TRIP13: variants seen among roughly 807,000 people sequenced by gnomAD.
The protein encoded by TRIP13 is thyroid hormone receptor interactor 13, also known as pachytene checkpoint protein 2 homolog.
A neutral mutation model predicts 54.4 loss-of-function variants in TRIP13; 25 were observed. The ratio of observed to expected loss-of-function variants is 0.46; its 90% CI spans 0.33 to 0.64. TRIP13 has a LOEUF of 0.64. Ranked by LOEUF, TRIP13 falls within the 30% of genes least tolerant of loss-of-function variation. The probability of loss-of-function intolerance (pLI) is 0.02; values close to 1 mark genes in which losing one functional copy is unlikely to be tolerated. For synonymous variants in TRIP13, 207 were observed against 207.8 expected (o/e 1.00, Z 0.03); for missense variants, 373 against 534.2 (o/e 0.70, Z 2.97).
rs1188869765 is a variant in TRIP13, at chr5:908,599, C to G, written c.866+138C>G. The G allele has an allele frequency of 1.3e-6, 2 of 1,484,762 alleles. No individual in the cohort carries two copies. Among genetic ancestry groups the G allele is most frequent in the Non-Finnish European group, 1.8e-6 (2 of 1,116,528 alleles). The allele number at this position is 1,484,762 out of a possible 1,614,324, so 92.0% of individuals were successfully genotyped here. A position where few individuals can be genotyped will look rare whatever the true frequency, so the allele number is the denominator to read the frequency against. ...GTGCATTTGGCATTGAGTATCGACT[C>G]CTTTTCCACATTGGAAGCAGCATAT... is the stretch of plus-strand genomic sequence containing the variant. On this transcript the variant is annotated intron_variant, in intron 9 of 12. Transcript: ENST00000166345. The surrounding 1 kb of genome is among the most constrained non-coding windows in gnomAD (Gnocchi z 5.2).
rs922382086 is a variant in TRIP13, at chr5:915,404, T to G, written c.1134-500T>G. ...CCTGGGGCAGAGGCTCCCGGGCAGG[T>G]GATGCCTTCCCTGAGCGCAAGGATG... On this transcript the variant is annotated intron_variant, in intron 11 of 12. Transcript: ENST00000166345. The surrounding 1 kb of genome is among the most constrained non-coding windows in gnomAD (Gnocchi z 4.2). 6.7e-6 allele frequency among the ~76,000 whole-genome samples: 1 copy of G among 148,764 alleles called. No homozygotes were observed. Among genetic ancestry groups the G allele is most frequent in the Admixed American group, 6.6e-5 (1 of 15,052 alleles).
chr5:907,910 A>G lies in TRIP13; in HGVS notation c.673-78A>G. ...GGCTTGTGGGGACAACTGGGGCAGCAGGCCACATCAGGGTCCCCCTGTGCA... is the reference window on the plus strand; with the variant it reads ...GGCTTGTGGGGACAACTGGGGCAGCGGGCCACATCAGGGTCCCCCTGTGCA... On this transcript the variant is annotated intron_variant, in intron 7 of 12. Transcript: ENST00000166345. The surrounding 1 kb of genome is among the most constrained non-coding windows in gnomAD (Gnocchi z 4.1). 1 of 1,441,144 alleles carries G rather than the reference A, an allele frequency of 6.9e-7. No homozygotes were observed. The highest frequency in any genetic ancestry group is 1.2e-5 in the South Asian group (1 of 86,830). The allele number at this position is 1,441,144 out of a possible 1,614,324, so 89.3% of individuals were successfully genotyped here.
Position 911,351 on chromosome 5 carries a change from C to T in TRIP13, c.867-492C>T, listed in dbSNP as rs1754226776. ...CTTTGGGAGGCCGAGGCAGGCGGATCACGAGGTCAGGAGATCGAGACCATC... is the reference window on the plus strand; with the variant it reads ...CTTTGGGAGGCCGAGGCAGGCGGATTACGAGGTCAGGAGATCGAGACCATC... On this transcript the variant is annotated intron_variant, in intron 9 of 12. Transcript: ENST00000166345. The surrounding 1 kb of genome is among the most constrained non-coding windows in gnomAD (Gnocchi z 4.7). Among the ~76,000 whole-genome samples, 3 of 151,752 alleles carry T rather than the reference C, an allele frequency of 2.0e-5. No individual in the cohort carries two copies. Among genetic ancestry groups the T allele is most frequent in the African/African-American group, 7.3e-5 (3 of 41,306 alleles).
downstream of TRIP13, among the ~76,000 whole-genome samples, chr5:918,738 G>A (rs796085670): frequency 3.6e-4 from 55 of 152,288 alleles, 1 homozygote; most frequent in African/African-American, 9.6e-4. This position sits in a 1 kb window ranked among gnomAD's most constrained non-coding sequence, Gnocchi z 4.3. Context: ...TGAAGAACTT[G>A]GAGTCCGATA....
chr5:896,579 T>C (rs1427859697), intron 2 of TRIP13, 86 bp from the exon 3 acceptor site: 2 of 1,424,442 alleles, frequency 1.4e-6, no homozygotes, highest in South Asian at 1.4e-5. Context: ...CAGTTTTTAT[T>C]TGTAGACCTT....
Position 907,267 on chromosome 5 carries a change from T to G in TRIP13, c.672+74T>G. ...AATGTCTTGTATGTTAGGCAAATCC[T>G]CCTCCAGAAGCTTCAGGAGAGAACT... On this transcript the variant is annotated intron_variant, in intron 7 of 12. Coordinates refer to ENST00000166345, the MANE Select transcript of TRIP13 (RefSeq NM_004237.4). This position sits in a 1 kb window ranked among gnomAD's most constrained non-coding sequence, Gnocchi z 4.1. 1 of 1,320,170 alleles carries G rather than the reference T, an allele frequency of 7.6e-7. No homozygotes were observed. The highest frequency in any genetic ancestry group is 2.4e-5 in the East Asian group (1 of 41,746). 81.8% of individuals were successfully genotyped at this position (1,320,170 alleles called of 1,614,324 possible).
In TRIP13 at chr5:912,700, A is replaced by G. The variant is rs539082546; in HGVS notation, c.1020+704A>G. Among the ~76,000 whole-genome samples the G allele has an allele frequency of 2.1e-5, 3 of 145,700 alleles. No homozygotes were observed. The highest frequency in any genetic ancestry group is 2.2e-4 in the South Asian group (1 of 4,542). On this transcript the variant is annotated intron_variant, in intron 10 of 12. Transcript: ENST00000166345. The surrounding 1 kb of genome is among the most constrained non-coding windows in gnomAD (Gnocchi z 7.2). ...CATGGGCACAGTGACGCGTGTGGTG[A>G]GTGTGCGTGAGTCTGGAACGCCGTC...
intron 12 of TRIP13, 78 bp downstream of exon 12, chr5:916,051 C>G: frequency 1.4e-6 from 2 of 1,412,860 alleles, no homozygotes; most frequent in Non-Finnish European, 2.0e-6. Flanking sequence ...CTTAGTAGCC[C>G]TGGGGTATCA....
At position 913,885 on chromosome 5, in the gene TRIP13, AAGTC is replaced by A. The variant is rs1182773369; in HGVS notation, c.1021-576_1021-573del. Reference sequence around the variant, plus strand: ...GTTCGTATTAGAATTCAGTCATAGTAAGTCAGTGTGCGCACCTGACTGTTGGCAA... The same window carrying A: ...GTTCGTATTAGAATTCAGTCATAGTAAGTGTGCGCACCTGACTGTTGGCAA... On this transcript the variant is annotated intron_variant, in intron 10 of 12. Transcript: ENST00000166345. This position sits in a 1 kb window ranked among gnomAD's most constrained non-coding sequence, Gnocchi z 4.5. 6.6e-6 allele frequency among the ~76,000 whole-genome samples: 1 copy of A among 152,190 alleles called. No homozygotes were observed. Among genetic ancestry groups the A allele is most frequent in the Non-Finnish European group, 1.5e-5 (1 of 68,038 alleles).
rs767502222 is a variant in TRIP13 at position 901,305 on chromosome 5, G to C, written c.445-36G>C. 3.8e-6 allele frequency: 6 copies of C among 1,599,320 alleles called. No individual in the cohort carries two copies. In the African/African-American group the frequency reaches 6.7e-5, roughly 18 times the overall value. ...TTTCTTGGGGACCTTTGCCTTGTTG[G>C]TATCTTTGTCAAGCTCTTTTCTTTT... is the stretch of plus-strand genomic sequence containing the variant. On this transcript the variant is annotated intron_variant, in intron 4 of 12. Coordinates refer to ENST00000166345, the MANE Select transcript of TRIP13 (RefSeq NM_004237.4).
At chr5:894,369 C>T (rs1451963991) in intron 1 of TRIP13, among the ~76,000 whole-genome samples, 1 of 152,176 alleles carries the variant, frequency 6.6e-6, no homozygotes, top group Non-Finnish European at 1.5e-5. Flanking sequence ...ATTTTCTCAG[C>T]ACGAATCACG....
intron 5 of TRIP13, among the ~76,000 whole-genome samples, chr5:901,870 G>A (rs111669603): frequency 6.0e-4 from 92 of 152,222 alleles, no homozygotes; most frequent in African/African-American, 1.9e-3. Context: ...TGATCCGCCC[G>A]CCTCAGCCTC....
rs956898391 is a variant in TRIP13, at chr5:917,596, A to C, written c.*493A>C. On this transcript the variant is annotated 3_prime_UTR_variant, in exon 13 of 13. Transcript: ENST00000166345. ...TATCAGCTCGTTTGATTTAGTGCAA[A>C]AATGTTTTCAAGACTATTTAATGGA... is the stretch of plus-strand genomic sequence containing the variant. The C allele has an allele frequency of 6.6e-6, 1 of 152,670 alleles. No homozygotes were observed. Among genetic ancestry groups the C allele is most frequent in the Non-Finnish European group, 1.5e-5 (1 of 68,392 alleles). 9.5% of individuals were successfully genotyped at this position (152,670 alleles called of 1,614,324 possible).
At chr5:909,481 G>C (rs1278551519) in intron 9 of TRIP13, among the ~76,000 whole-genome samples, 1 of 152,198 alleles carries the variant, frequency 6.6e-6, no homozygotes, top group Non-Finnish European at 1.5e-5. Context: ...TCACCACAGA[G>C]AGCGTATCTG....
Position 912,060 on chromosome 5 carries a change from G to C in TRIP13, c.1020+64G>C. On this transcript the variant is annotated intron_variant, in intron 10 of 12. Transcript: ENST00000166345. This position sits in a 1 kb window ranked among gnomAD's most constrained non-coding sequence, Gnocchi z 7.2. ...TTCTTATATGTTCTTAATTAATTAA[G>C]ATAGCTTAAAATAAGCTCGTTCCAG... The C allele has an allele frequency of 6.4e-7, 1 of 1,552,526 alleles. No homozygotes were observed.
chr5:914,934 A>G (rs1754313815), intron 11 of TRIP13, among the ~76,000 whole-genome samples: 1 of 152,130 alleles, frequency 6.6e-6, no homozygotes. Context: ...GGAAAATCAA[A>G]CGGTGCCTTG....
rs529709813 is a variant in TRIP13, at chr5:911,108, A to G, written c.867-735A>G. Among the ~76,000 whole-genome samples, 6 of 152,356 alleles carry G rather than the reference A, an allele frequency of 3.9e-5. No individual in the cohort carries two copies. The East Asian group carries it at 1.2e-3, about 29-fold the overall frequency. ...GGGACATTGGTCAACAGACCAGACA[A>G]CAGGGGCTCTCTCTATGGAGTTTAG... On this transcript the variant is annotated intron_variant, in intron 9 of 12. Coordinates refer to ENST00000166345, the MANE Select transcript of TRIP13 (RefSeq NM_004237.4). The surrounding 1 kb of genome is among the most constrained non-coding windows in gnomAD (Gnocchi z 4.7).
Position 914,851 on chromosome 5 carries a change from CACTT to C in TRIP13, c.1133+277_1133+280del, listed in dbSNP as rs1754312023. Among the ~76,000 whole-genome samples the C allele has an allele frequency of 3.3e-5, 5 of 152,110 alleles. No individual in the cohort carries two copies. The South Asian group carries it at 1.0e-3, about 32-fold the overall frequency. On this transcript the variant is annotated intron_variant, in intron 11 of 12. Transcript: ENST00000166345. ...AAGCCTGCAACCCTACGGCTGACGA[CACTT>C]ACAAGGATTCGCAGAGTCCACAGAA... is the stretch of plus-strand genomic sequence containing the variant.
rs1330688095 is a variant in TRIP13, at chr5:908,202, G to A, written c.759+128G>A. On this transcript the variant is annotated intron_variant, in intron 8 of 12. Coordinates refer to ENST00000166345, the MANE Select transcript of TRIP13 (RefSeq NM_004237.4). The surrounding 1 kb of genome is among the most constrained non-coding windows in gnomAD (Gnocchi z 5.2). ...GCTGCCCTCTATCCCTCCCTGCACT[G>A]TGCGCCTTTCCACCTTGCCGCAGCA... The A allele has an allele frequency of 3.6e-6, 5 of 1,375,968 alleles. No homozygotes were observed. In the African/African-American group the frequency reaches 4.3e-5, roughly 12 times the overall value. 85.2% of individuals were successfully genotyped at this position (1,375,968 alleles called of 1,614,324 possible). A position where few individuals can be genotyped will look rare whatever the true frequency, so the allele number is the denominator to read the frequency against.
Sources: allele counts gnomAD v4.1 joint callset (sites outside exome capture counted in the v4.1 genomes callset), GRCh38; gene constraint gnomAD v4.1.1; non-coding constraint Gnocchi (gnomAD v3.1); transcripts MANE v1.5; gene names NCBI Gene and HGNC (gene_info 2026-07-23, HGNC 2026-07-21).